DNAH5: variants seen among roughly 807,000 people sequenced by gnomAD.
DNAH5 encodes dynein axonemal heavy chain 5.
In DNAH5, 372 loss-of-function variants were observed where a neutral mutation model predicts 518.2. The ratio of observed to expected loss-of-function variants is 0.72; its 90% CI spans 0.66 to 0.78. The LOEUF (loss-of-function observed/expected upper bound fraction) is 0.78. Among genes scored for constraint, DNAH5 ranks in the 30% least tolerant of loss-of-function variants. The probability of loss-of-function intolerance (pLI) is 0.00; values close to 1 mark genes in which losing one functional copy is unlikely to be tolerated. For synonymous variants in DNAH5, 2,039 were observed against 2,025.9 expected, an observed-to-expected ratio of 1.01 and a Z score of -0.17; for missense variants, 5,523 against 5,687.0, an observed-to-expected ratio of 0.97 and a Z score of 0.93.
At chr5:13,921,473 T>TCACACACA (rs1366178016) in intron 5 of DNAH5, among the ~76,000 whole-genome samples, 2 of 57,824 alleles carry the variant, frequency 3.5e-5, no homozygotes, top group African/African-American at 1.3e-4. Context: ...TCTATCTCTC[T>TCACACACA]CTCACACACA....
Position 13,721,230 on chromosome 5 carries a change from C to A in DNAH5, c.12049G>T (p.Val4017Leu). 6.2e-7 allele frequency: 1 copy of A among 1,614,092 alleles called. No individual in the cohort carries two copies. Among genetic ancestry groups the A allele is most frequent in the Non-Finnish European group, 8.5e-7 (1 of 1,179,978 alleles). The change falls in exon 71 of 79, where the codon GTG becomes TTG. Residue 4017 changes from valine to leucine, a missense_variant. Physicochemically the swap from Val to Leu is conservative, Grantham distance 32. Around this residue, in one of 3 missense-constraint regions of DNAH5, gnomAD observed 5,121 missense variants for 5,223.3 expected, o/e 0.98. Transcript: ENST00000265104. ...RTIAQARKYIVDSMGEKYAEG... is the reference protein window; with the variant it reads ...RTIAQARKYILDSMGEKYAEG... ...GCATATTTTTCTCCCATGGAGTCCACGATGTACTTGCGGGCCTGCCAAAAA... is the reference window on the plus strand; with the variant it reads ...GCATATTTTTCTCCCATGGAGTCCAAGATGTACTTGCGGGCCTGCCAAAAA...
chr5:13,816,577 T>C, intron 42 of DNAH5, among the ~76,000 whole-genome samples: 1 of 150,888 alleles, frequency 6.6e-6, no homozygotes, highest in East Asian at 1.9e-4. Flanking sequence ...AAAAAACCTC[T>C]GCGCTCTTGT....
At chr5:13,920,008 T>C (rs182648080) in intron 6 of DNAH5, among the ~76,000 whole-genome samples, 160 of 152,362 alleles carry the variant, frequency 1.1e-3, no homozygotes, top group Non-Finnish European at 1.8e-3. Context: ...ATTTACTCTA[T>C]AACCTTGGAG....
In DNAH5 at chr5:13,830,763, C is replaced by CGTGAT. The variant is rs1436141222; in HGVS notation, c.5890_5894dup (p.Leu1966SerfsTer9). The CGTGAT allele has an allele frequency of 7.4e-6, 12 of 1,613,942 alleles. No homozygotes were observed. The highest frequency in any genetic ancestry group is 1.0e-5 in the Non-Finnish European group (12 of 1,180,022). Reference sequence around the variant, plus strand: ...TGCTCATTCCCAGAGCTTGAGCCAGCGTGATGTAACATCTGCATGGGTAGA... The same window carrying CGTGAT: ...TGCTCATTCCCAGAGCTTGAGCCAGCGTGATGTGATGTAACATCTGCATGGGTAGA... On this transcript the variant is annotated frameshift_variant, in exon 36 of 79. Coordinates refer to ENST00000265104, the MANE Select transcript of DNAH5 (RefSeq NM_001369.3). LOFTEE classifies it high-confidence loss of function.
intron 27 of DNAH5, among the ~76,000 whole-genome samples, chr5:13,865,261 G>A (rs536424438): frequency 6.6e-6 from 1 of 152,168 alleles, no homozygotes; most frequent in Admixed American, 6.5e-5. Context: ...CCAAAGTGCT[G>A]GGATTACAGG....
chr5:13,776,637 C>CT lies in DNAH5; in HGVS notation c.9174dup (p.Glu3059ArgfsTer10), dbSNP rs1754129548. 1 of 1,613,722 alleles carries CT rather than the reference C, an allele frequency of 6.2e-7. No homozygotes were observed. The highest frequency in any genetic ancestry group is 8.5e-7 in the Non-Finnish European group (1 of 1,179,832). On this transcript the variant is annotated frameshift_variant, in exon 55 of 79. Transcript: ENST00000265104. LOFTEE classifies it high-confidence loss of function. ...TTGGTAGGAAGGCACCTGGGGAATT[C>CT]TTTTTTCATGACTGATGCCAGGTCG...
chr5:13,695,841 C>T (rs1348725138), intron 78 of DNAH5, among the ~76,000 whole-genome samples: 3 of 151,966 alleles, frequency 2.0e-5, no homozygotes, highest in African/African-American at 7.3e-5. Flanking sequence ...CATACATACC[C>T]ACACATGCAC....
Position 13,716,668 on chromosome 5 carries a change from C to T in DNAH5, c.12728G>A (p.Arg4243His), listed in dbSNP as rs774987180. Residue 4243 changes from arginine (R) to histidine (H), a missense_variant, in exon 74 of 79, where the codon CGC becomes CAC. Arg to His is a conservative substitution (Grantham distance 29). This residue lies in a region of DNAH5 where 5,121 missense variants were observed against 5,223.3 expected (regional missense o/e 0.98). Coordinates refer to ENST00000265104, the MANE Select transcript of DNAH5 (RefSeq NM_001369.3). ...ATATTGAATCTCTCCTATCATGTAG[C>T]GGATGGTGGTCCAGGAGACACCCTG... ...VKKGVSWTTI[R>H]YMIGEIQYGG... is the part of the protein sequence containing the mutation. The T allele has an allele frequency of 1.9e-5, 30 of 1,613,314 alleles. No homozygotes were observed. The highest frequency in any genetic ancestry group is 1.1e-4 in the South Asian group (10 of 91,062).
intron 1 of DNAH5, among the ~76,000 whole-genome samples, chr5:13,936,310 C>T (rs1159470427): frequency 6.6e-6 from 1 of 152,184 alleles, no homozygotes; most frequent in East Asian, 1.9e-4. Flanking sequence ...TGACTTCAAA[C>T]GTTTACACAA....
chr5:13,776,140 C>A (rs1362751827), intron 55 of DNAH5, among the ~76,000 whole-genome samples: 1 of 152,168 alleles, frequency 6.6e-6, no homozygotes, highest in Non-Finnish European at 1.5e-5. Flanking sequence ...TGGTTAACAT[C>A]TTTTGTCAAG....
chr5:13,921,175 CA>C (rs1264590242), intron 5 of DNAH5, among the ~76,000 whole-genome samples: 1 of 152,102 alleles, frequency 6.6e-6, no homozygotes, highest in Admixed American at 6.5e-5. Flanking sequence ...CAGTCAATCA[CA>C]AATATAATTT....
At chr5:13,839,786 TTAA>T (rs1241474150) in intron 34 of DNAH5, among the ~76,000 whole-genome samples, 1 of 152,208 alleles carries the variant, frequency 6.6e-6, no homozygotes, top group African/African-American at 2.4e-5. Context: ...TTTACGTATT[TTAA>T]TAATAAGATA....
chr5:13,740,235 T>C (rs1748248949), intron 65 of DNAH5, among the ~76,000 whole-genome samples: 1 of 152,098 alleles, frequency 6.6e-6, no homozygotes, highest in Non-Finnish European at 1.5e-5. Flanking sequence ...TAAACTATCA[T>C]TGTCACCCCC....
At chr5:13,892,914 C>A (rs187985312) in intron 16 of DNAH5, among the ~76,000 whole-genome samples, 1 of 152,214 alleles carries the variant, frequency 6.6e-6, no homozygotes, top group Non-Finnish European at 1.5e-5. Context: ...AGCCATTTAG[C>A]ATCTCTGGCT....
Position 13,841,804 on chromosome 5 carries a change from G to A in DNAH5, c.5372C>T (p.Ser1791Phe). 2 of 1,609,862 alleles carry A rather than the reference G, an allele frequency of 1.2e-6. No individual in the cohort carries two copies. Among genetic ancestry groups the A allele is most frequent in the Non-Finnish European group, 1.7e-6 (2 of 1,178,656 alleles). Residue 1791 changes from serine to phenylalanine, a missense_variant, in exon 33 of 79, where the codon TCT becomes TTT. Around this residue, in one of 3 missense-constraint regions of DNAH5, gnomAD observed 5,121 missense variants for 5,223.3 expected, o/e 0.98. Coordinates refer to ENST00000265104, the MANE Select transcript of DNAH5 (RefSeq NM_001369.3). ...TGAGGACTGAGATTCTTCCAAAAGA[G>A]AATTAAGCCAAACTTCCACATTGCC... Reference protein sequence around the residue: ...AEGNVEVWLNSLLEESQSSLH... With the variant: ...AEGNVEVWLNFLLEESQSSLH...
chr5:13,933,512 T>C (rs1309269376), intron 1 of DNAH5, among the ~76,000 whole-genome samples: 2 of 151,930 alleles, frequency 1.3e-5, no homozygotes, highest in East Asian at 3.9e-4. Flanking sequence ...AAGGATGAGG[T>C]TGGGCACAGT....
At position 13,754,289 on chromosome 5, in the gene DNAH5, G is replaced by A. The variant is rs1750680829; in HGVS notation, c.10469C>T (p.Ser3490Phe). 1 of 1,614,054 alleles carries A rather than the reference G, an allele frequency of 6.2e-7. No individual in the cohort carries two copies. Among genetic ancestry groups the A allele is most frequent in the Non-Finnish European group, 8.5e-7 (1 of 1,179,966 alleles). ...ERCRHKMQTA[S>F]TLISGLAGEK... ...ACCTGCCAAGCCACTGATGAGCGTG[G>A]AAGCTGTCTGCATCTTGTGTCTGCA... Residue 3490 changes from serine (S) to phenylalanine (F), a missense_variant, in exon 62 of 79, where the codon TCC becomes TTC. By Grantham distance (155) the Ser-to-Phe change is radical (BLOSUM62 -2). Transcript: ENST00000265104.
intron 75 of DNAH5, 70 bp from the exon 76 acceptor site, chr5:13,708,405 G>A (rs1743073384): frequency 6.6e-7 from 1 of 1,517,204 alleles, no homozygotes; most frequent in South Asian, 1.1e-5. Flanking sequence ...TGGTGCCCTG[G>A]GGCCTCTGAA....
intron 1 of DNAH5, among the ~76,000 whole-genome samples, chr5:13,953,332 A>C (rs1193470647): frequency 6.6e-6 from 1 of 152,196 alleles, no homozygotes; most frequent in Non-Finnish European, 1.5e-5. Context: ...TTAGAATGTA[A>C]TACCTTGTTC....
Sources: gnomAD v4.1 joint callset for allele counts (sites outside exome capture counted in the v4.1 genomes callset) on GRCh38, gnomAD v4.1.1 for gene constraint, gnomAD v4.1.1 regional missense constraint, MANE v1.5 for transcripts, NCBI Gene and HGNC (gene_info 2026-07-23, HGNC 2026-07-21) for gene names.